The following CPA6 variants were observed in gnomAD, a reference collection of about 807,000 sequenced individuals.
CPA6 encodes the protein carboxypeptidase A6, also known as carboxypeptidase B.
In CPA6, 58 loss-of-function variants were observed where a neutral mutation model predicts 63.3. That is an observed-to-expected ratio of 0.92 (90% CI 0.74 to 1.14). The LOEUF (loss-of-function observed/expected upper bound fraction) is 1.14. CPA6 is among the 50% of genes most tolerant of loss of function. The pLI, the probability that CPA6 is intolerant of heterozygous loss-of-function variation, is 0.00. For missense variants in CPA6, 565 were observed against 526.6 expected (o/e 1.07, Z -0.71); for synonymous variants, 185 against 179.0 (o/e 1.03, Z -0.27).
At chr8:67,460,324 T>C (rs1222816338) in intron 8 of CPA6, among the ~76,000 whole-genome samples, 3 of 152,206 alleles carry the variant, frequency 2.0e-5, no homozygotes, top group Non-Finnish European at 4.4e-5. Context: ...GTGTTTTACA[T>C]TTTAAGGTCA....
chr8:67,666,255 T>C (rs913914678), intron 1 of CPA6, among the ~76,000 whole-genome samples: 8 of 152,318 alleles, frequency 5.3e-5, no homozygotes, highest in Non-Finnish European at 1.2e-4. Flanking sequence ...TGGGAACTTA[T>C]GTAAAGGATG....
At chr8:67,605,805 G>C (rs1378124682) in intron 2 of CPA6, among the ~76,000 whole-genome samples, 1 of 152,098 alleles carries the variant, frequency 6.6e-6, no homozygotes, top group Admixed American at 6.5e-5. Flanking sequence ...GAATGATTTT[G>C]CACCATGTGG....
rs1563956474 is a variant in CPA6 at position 67,447,081 on chromosome 8, T to TATATATACACACATATATACAC, written c.839-12842_839-12841insGTGTATATATGTGTGTATATAT. Among the ~76,000 whole-genome samples, 11 of 105,172 alleles carry TATATATACACACATATATACAC rather than the reference T, an allele frequency of 1.0e-4. No homozygotes were observed. The East Asian group carries it at 3.0e-3, about 28-fold the overall frequency. 69.0% of individuals were successfully genotyped at this position (105,172 alleles called of 152,430 possible). A position where few individuals can be genotyped will look rare whatever the true frequency, so the allele number is the denominator to read the frequency against. ...ATATATATACACACATATATACACA[T>TATATATACACACATATATACAC]ATATATACACACATATATATACACA... is the stretch of plus-strand genomic sequence containing the variant. On this transcript the variant is annotated intron_variant, in intron 8 of 10. Transcript: ENST00000297770.
intron 2 of CPA6, among the ~76,000 whole-genome samples, chr8:67,563,027 G>T (rs997851223): frequency 2.6e-5 from 4 of 151,980 alleles, no homozygotes; most frequent in Non-Finnish European, 4.4e-5. Context: ...GGCAGATGAT[G>T]GGTCTCCATA....
chr8:67,489,684 T>G (rs955641079), intron 6 of CPA6, among the ~76,000 whole-genome samples: 4 of 152,160 alleles, frequency 2.6e-5, no homozygotes, highest in Admixed American at 2.6e-4. Context: ...GTAAAGATAC[T>G]ATATGTGTTC....
intron 2 of CPA6, among the ~76,000 whole-genome samples, chr8:67,563,231 T>C (rs1813257279): frequency 6.6e-6 from 1 of 151,998 alleles, no homozygotes; most frequent in Non-Finnish European, 1.5e-5. Flanking sequence ...AAACAGAGAG[T>C]AACTGTTCCT....
At chr8:67,536,314 C>A (rs896029672) in intron 2 of CPA6, among the ~76,000 whole-genome samples, 21 of 152,186 alleles carry the variant, frequency 1.4e-4, no homozygotes, top group African/African-American at 4.6e-4. Context: ...GATATTGATT[C>A]TTCCTATCCA....
At chr8:67,487,744 A>G (rs376729880) in intron 6 of CPA6, among the ~76,000 whole-genome samples, 17 of 152,222 alleles carry the variant, frequency 1.1e-4, no homozygotes, top group Middle Eastern at 3.4e-3. Context: ...TTTAATGATC[A>G]CCATTCTAAC....
chr8:67,474,804 T>C (rs1032829822), intron 8 of CPA6, among the ~76,000 whole-genome samples: 3 of 152,100 alleles, frequency 2.0e-5, no homozygotes, highest in African/African-American at 7.2e-5. Flanking sequence ...AGTGAGACTC[T>C]ATCTCTATGA....
chr8:67,484,820 A>T, intron 6 of CPA6, 31 bp from the exon 7 acceptor site: 1 of 1,268,740 alleles, frequency 7.9e-7, no homozygotes, highest in Non-Finnish European at 1.1e-6. Context: ...TTTTCTTTTA[A>T]ATTGGTCCCC....
chr8:67,631,386 T>C (rs143946448), intron 1 of CPA6, among the ~76,000 whole-genome samples: 91 of 152,236 alleles, frequency 6.0e-4, no homozygotes, highest in African/African-American at 2.0e-3. Context: ...AGCTAAAAGA[T>C]TGTAAATGCA....
intron 8 of CPA6, among the ~76,000 whole-genome samples, chr8:67,457,892 C>T (rs1436981165): frequency 2.0e-5 from 3 of 152,170 alleles, no homozygotes; most frequent in African/African-American, 2.4e-5. Context: ...CCTTTGTTCC[C>T]GTTCTTCCTT....
rs1221655494 is a variant in CPA6 at position 67,689,252 on chromosome 8, C to A, written c.116+56762G>T. Reference sequence around the variant, plus strand: ...TATTAGCATACACACCCACGTAGAACTTCAGATATAAACTTCTTCTTCAAA... The same window carrying A: ...TATTAGCATACACACCCACGTAGAAATTCAGATATAAACTTCTTCTTCAAA... On this transcript the variant is annotated intron_variant, in intron 1 of 10. Coordinates refer to ENST00000297770, the MANE Select transcript of CPA6 (RefSeq NM_020361.5). Among the ~76,000 whole-genome samples the A allele has an allele frequency of 2.0e-5, 3 of 147,262 alleles. No homozygotes were observed. The East Asian group carries it at 5.9e-4, about 29-fold the overall frequency.
intron 2 of CPA6, among the ~76,000 whole-genome samples, chr8:67,528,686 G>A (rs550732262): frequency 2.4e-4 from 37 of 152,122 alleles, no homozygotes; most frequent in African/African-American, 8.4e-4. Flanking sequence ...TCCTCAGTCT[G>A]AGCTGGCATT....
intron 2 of CPA6, among the ~76,000 whole-genome samples, chr8:67,603,494 T>C (rs958265175): frequency 6.6e-6 from 1 of 152,232 alleles, no homozygotes; most frequent in Admixed American, 6.5e-5. Context: ...ACAGGATCTA[T>C]ATGTTTAAAA....
intron 2 of CPA6, among the ~76,000 whole-genome samples, chr8:67,562,912 T>C (rs2128974809): frequency 6.6e-6 from 1 of 152,312 alleles, no homozygotes; most frequent in Non-Finnish European, 1.5e-5. Context: ...AGACAGTTGA[T>C]ATCACACCTT....
chr8:67,594,393 C>T lies in CPA6; in HGVS notation c.192+29783G>A, dbSNP rs201759522. Among the ~76,000 whole-genome samples the T allele has an allele frequency of 7.1e-3, 1,074 of 152,034 alleles. 11 individuals are homozygous for T. Among genetic ancestry groups the T allele is most frequent in the Middle Eastern group, 0.017 (5 of 294 alleles). ...TTGCTCTTCTCGAGGAGTATCTTTG[C>T]GGCGTTCTCTGTATTTCCTGAATCT... On this transcript the variant is annotated intron_variant, in intron 2 of 10. Coordinates refer to ENST00000297770, the MANE Select transcript of CPA6 (RefSeq NM_020361.5).
At chr8:67,651,742 A>T (rs183852121) in intron 1 of CPA6, among the ~76,000 whole-genome samples, 15 of 151,210 alleles carry the variant, frequency 9.9e-5, no homozygotes, top group African/African-American at 3.2e-4. Context: ...TTTTTTTTTA[A>T]AATTTGATTA....
At chr8:67,440,624 C>T (rs967011021) in intron 8 of CPA6, among the ~76,000 whole-genome samples, 4 of 152,020 alleles carry the variant, frequency 2.6e-5, no homozygotes, top group Non-Finnish European at 5.9e-5. Context: ...TAGACAATTT[C>T]GTCAGTGAGC....
Sources: gnomAD v4.1 joint callset for allele counts (sites outside exome capture counted in the v4.1 genomes callset) on GRCh38, gnomAD v4.1.1 for gene constraint, MANE v1.5 for transcripts, NCBI Gene and HGNC (gene_info 2026-07-23, HGNC 2026-07-21) for gene names.